The following CSMD1 variants were observed in gnomAD, a reference collection of about 807,000 sequenced individuals.
CSMD1 encodes CUB and Sushi multiple domains 1, also known as CUB and sushi domain-containing protein 1.
CSMD1 carries 213 observed loss-of-function variants against 417.5 expected under a neutral mutation model. The observed-to-expected ratio is 0.51, with a 90% confidence interval of 0.46 to 0.57. CSMD1 has a LOEUF of 0.57. Among genes scored for constraint, CSMD1 ranks in the 20% least tolerant of loss-of-function variants. CSMD1 has a pLI of 0.00. For synonymous variants in CSMD1, 2,862 were observed against 1,736.8 expected (o/e 1.65, Z -16.11); for missense variants, 6,923 against 4,529.7 (o/e 1.53, Z -15.17).
chr8:3,883,276 C>A (rs1380580176), intron 5 of CSMD1, among the ~76,000 whole-genome samples: 2 of 151,964 alleles, frequency 1.3e-5, no homozygotes, highest in East Asian at 3.9e-4. Flanking sequence ...AAAGTATTTC[C>A]AGCTCACATG....
At chr8:3,225,017 C>T (rs1348987703) in intron 27 of CSMD1, among the ~76,000 whole-genome samples, 2 of 151,998 alleles carry the variant, frequency 1.3e-5, no homozygotes, top group Admixed American at 1.3e-4. Flanking sequence ...TATTTCATTC[C>T]CATTATTGGT....
chr8:3,620,184 T>A (rs934374881), intron 7 of CSMD1, among the ~76,000 whole-genome samples: 11 of 152,020 alleles, frequency 7.2e-5, no homozygotes, highest in African/African-American at 2.2e-4. Flanking sequence ...AAATTCTACA[T>A]CTAGGAAAAC....
At chr8:4,642,302 G>A (rs1460264839) in intron 1 of CSMD1, among the ~76,000 whole-genome samples, 2 of 152,196 alleles carry the variant, frequency 1.3e-5, no homozygotes, top group African/African-American at 2.4e-5. Context: ...TACTTTGAAA[G>A]CCTGTCTCAG....
At chr8:3,209,311 A>G (rs1380660206) in intron 30 of CSMD1, among the ~76,000 whole-genome samples, 1 of 149,468 alleles carries the variant, frequency 6.7e-6, no homozygotes, top group Non-Finnish European at 1.5e-5. Flanking sequence ...TTATTTATTT[A>G]TTTATTTATA....
intron 5 of CSMD1, among the ~76,000 whole-genome samples, chr8:3,895,794 C>A (rs964088738): frequency 3.0e-4 from 46 of 152,214 alleles, no homozygotes; most frequent in African/African-American, 1.1e-3. Context: ...TAACTCTTCA[C>A]ACTCCAGTTG....
intron 3 of CSMD1, among the ~76,000 whole-genome samples, chr8:4,063,742 T>A (rs1484667048): frequency 6.6e-6 from 1 of 152,196 alleles, no homozygotes; most frequent in Non-Finnish European, 1.5e-5. Flanking sequence ...GGGAAGTGCC[T>A]TTTATTTTGA....
intron 1 of CSMD1, among the ~76,000 whole-genome samples, chr8:4,903,460 A>G (rs1805032835): frequency 6.6e-6 from 1 of 152,112 alleles, no homozygotes; most frequent in African/African-American, 2.4e-5. Flanking sequence ...TAAGGCATAC[A>G]CCAATTGTAC....
intron 5 of CSMD1, among the ~76,000 whole-genome samples, chr8:3,815,039 G>C (rs1488253112): frequency 2.0e-5 from 3 of 152,120 alleles, no homozygotes; most frequent in Non-Finnish European, 4.4e-5. Flanking sequence ...TGGTAGAAGA[G>C]GCACATGAAG....
At chr8:3,221,790 T>G (rs1798232225) in intron 28 of CSMD1, among the ~76,000 whole-genome samples, 1 of 152,072 alleles carries the variant, frequency 6.6e-6, no homozygotes, top group African/African-American at 2.4e-5. Context: ...CAGGGACGTG[T>G]AATGGAACAT....
At chr8:3,619,583 A>C (rs1802317368) in intron 7 of CSMD1, among the ~76,000 whole-genome samples, 1 of 152,190 alleles carries the variant, frequency 6.6e-6, no homozygotes, top group African/African-American at 2.4e-5. Context: ...ACATAGATGT[A>C]CAAATTCAAG....
intron 37 of CSMD1, among the ~76,000 whole-genome samples, chr8:3,179,220 C>G (rs1220161142): frequency 6.6e-6 from 1 of 152,158 alleles, no homozygotes; most frequent in Non-Finnish European, 1.5e-5. Flanking sequence ...GCTGGGATTA[C>G]AGGCGTGAGC....
intron 1 of CSMD1, among the ~76,000 whole-genome samples, chr8:4,666,416 G>C (rs1804939786): frequency 6.6e-6 from 1 of 152,130 alleles, no homozygotes; most frequent in Non-Finnish European, 1.5e-5. Context: ...GCAACTACTG[G>C]TTTGAAGAGG....
intron 7 of CSMD1, among the ~76,000 whole-genome samples, chr8:3,682,154 C>A (rs1345209688): frequency 6.6e-6 from 1 of 152,124 alleles, no homozygotes; most frequent in Non-Finnish European, 1.5e-5. Context: ...GTCTAAAACA[C>A]CAAAAGCAAT....
chr8:4,732,068 T>G (rs1281661343), intron 1 of CSMD1, among the ~76,000 whole-genome samples: 1 of 152,064 alleles, frequency 6.6e-6, no homozygotes, highest in Non-Finnish European at 1.5e-5. Flanking sequence ...ACATCTCTCT[T>G]GCTAATCTTT....
At chr8:3,785,525 T>C (rs1356760756) in intron 5 of CSMD1, among the ~76,000 whole-genome samples, 2 of 152,228 alleles carry the variant, frequency 1.3e-5, no homozygotes, top group Admixed American at 6.5e-5. Context: ...CACCTAGGTG[T>C]ACTTCCACAA....
chr8:3,535,755 C>G (rs574728853), intron 10 of CSMD1, among the ~76,000 whole-genome samples: 1 of 152,260 alleles, frequency 6.6e-6, no homozygotes, highest in African/African-American at 2.4e-5. Flanking sequence ...TTATGTAGTG[C>G]TTGGCAGTTC....
chr8:3,219,444 T>C lies in CSMD1; in HGVS notation c.4485-2A>G, dbSNP rs1444236080. 1.4e-6 allele frequency: 2 copies of C among 1,469,284 alleles called. No individual in the cohort carries two copies. Among genetic ancestry groups the C allele is most frequent in the East Asian group, 2.6e-5 (1 of 39,164 alleles). 91.0% of individuals were successfully genotyped at this position (1,469,284 alleles called of 1,614,324 possible). ...TCATAGCTGGGCTCCATGTTGAAAC[T>C]AAAGAAAAGAATAGTAATTATGTCA... On this transcript the variant is annotated splice_acceptor_variant, in intron 28 of 69. Transcript: ENST00000635120. LOFTEE classifies it high-confidence loss of function.
chr8:3,013,651 G>T (rs1378222169), intron 52 of CSMD1, among the ~76,000 whole-genome samples: 1 of 151,742 alleles, frequency 6.6e-6, no homozygotes, highest in African/African-American at 2.4e-5. Flanking sequence ...ACTCAGGAGG[G>T]TGAGGCAGGA....
At chr8:3,230,323 T>A in intron 26 of CSMD1, 92 bp from the exon 27 acceptor site, 1 of 968,168 alleles carries the variant, frequency 1.0e-6, no homozygotes, top group Non-Finnish European at 1.5e-6. Context: ...TGAAGCACTC[T>A]TCATTGGCCT....
Sources: allele counts gnomAD v4.1 joint callset (sites outside exome capture counted in the v4.1 genomes callset), GRCh38; gene constraint gnomAD v4.1.1; transcripts MANE v1.5; gene names NCBI Gene and HGNC (gene_info 2026-07-23, HGNC 2026-07-21).